Variants in ZEB2 observed in about 807,000 individuals in gnomAD.
ZEB2 encodes the protein zinc finger E-box-binding homeobox 2.
Under a neutral mutation model 99.9 loss-of-function variants are expected in ZEB2, and 6 were observed. The observed-to-expected ratio is 0.06, with a 90% CI of 0.03 to 0.12. The LOEUF (loss-of-function observed/expected upper bound fraction) is 0.12, where lower values mean the gene tolerates loss of function less well. Ranked by LOEUF, ZEB2 falls within the 10% of genes least tolerant of loss-of-function variation. The pLI is 1.00. For synonymous variants in ZEB2, 517 were observed against 542.5 expected, an observed-to-expected ratio of 0.95 and a Z score of 0.65; for missense variants, 969 against 1,502.8, an observed-to-expected ratio of 0.64 and a Z score of 5.87.
chr2:144,398,696 T>C lies in ZEB2; in HGVS notation c.2491A>G (p.Ile831Val). 1 of 1,614,154 alleles carries C rather than the reference T, an allele frequency of 6.2e-7. No homozygotes were observed. The highest frequency in any genetic ancestry group is 1.7e-5 in the Admixed American group (1 of 60,004). Residue 831 changes from isoleucine to valine, a missense_variant, in exon 8 of 10, where the codon ATA (isoleucine) becomes GTA (valine). Coordinates refer to ENST00000627532, the MANE Select transcript of ZEB2 (RefSeq NM_014795.4). ...PKQMKEPKSI[I>V]ATKNKTKASS... Reference sequence around the variant, plus strand: ...GCTTTTGTTTTGTTCTTTGTGGCTATAATACTTTTGGGTTCTTTCATTTGT... The same window carrying C: ...GCTTTTGTTTTGTTCTTTGTGGCTACAATACTTTTGGGTTCTTTCATTTGT...
chr2:144,401,582 GGAC>G (rs1466691457), intron 6 of ZEB2, among the ~76,000 whole-genome samples: 3 of 152,132 alleles, frequency 2.0e-5, no homozygotes, highest in Non-Finnish European at 4.4e-5. Flanking sequence ...GAACCTTTGG[GGAC>G]GAGGAAGTAT....
At chr2:144,486,983 T>C (rs1704607028) in intron 2 of ZEB2, among the ~76,000 whole-genome samples, 1 of 152,210 alleles carries the variant, frequency 6.6e-6, no homozygotes, top group Non-Finnish European at 1.5e-5. Context: ...GTTAGGAAGC[T>C]CAAACACTGT....
chr2:144,432,909 C>T (rs1172437522), intron 2 of ZEB2, among the ~76,000 whole-genome samples: 1 of 152,106 alleles, frequency 6.6e-6, no homozygotes, highest in Non-Finnish European at 1.5e-5. Flanking sequence ...ATATATTAGG[C>T]CAGTGTCTGT....
chr2:144,451,068 G>C (rs1258184806), intron 2 of ZEB2, among the ~76,000 whole-genome samples: 1 of 152,132 alleles, frequency 6.6e-6, no homozygotes, highest in Non-Finnish European at 1.5e-5. Context: ...GAGAGTGGGG[G>C]AGTCATAAAA....
chr2:144,496,627 C>A (rs1704763498), intron 2 of ZEB2: 1 of 152,142 alleles, frequency 6.6e-6, no homozygotes, highest in African/African-American at 2.4e-5. Flanking sequence ...TCCATGATTA[C>A]AGTAACATGT....
chr2:144,482,822 T>C (rs1003362961), intron 2 of ZEB2, among the ~76,000 whole-genome samples: 5 of 152,132 alleles, frequency 3.3e-5, no homozygotes, highest in African/African-American at 1.2e-4. Context: ...ACCACCTTAT[T>C]TTTCCAGAAA....
At position 144,386,848 on chromosome 2, in the gene ZEB2, T is replaced by A. The variant is rs1035342664; in HGVS notation, c.*2603A>T. 6.6e-6 allele frequency: 1 copy of A among 152,056 alleles called. No individual in the cohort carries two copies. The highest frequency in any genetic ancestry group is 1.5e-5 in the Non-Finnish European group (1 of 68,000). The allele number at this position is 152,056 out of a possible 1,614,324, so 9.4% of individuals were successfully genotyped here. On this transcript the variant is annotated 3_prime_UTR_variant, in exon 10 of 10. Transcript: ENST00000627532. ...AAGAAGGAGAAACGAGGATAGAATT[T>A]TCTAAACTTTCCAAATATAAAAACT...
At chr2:144,438,727 G>A (rs1211312611) in intron 2 of ZEB2, among the ~76,000 whole-genome samples, 2 of 152,138 alleles carry the variant, frequency 1.3e-5, no homozygotes, top group African/African-American at 2.4e-5. Flanking sequence ...GGCATGTAAA[G>A]TTCACTTCCC....
At chr2:144,517,482 GC>G in intron 1 of ZEB2, 63 bp from the exon 2 acceptor site, 1 of 1,118,254 alleles carries the variant, frequency 8.9e-7, no homozygotes, top group Non-Finnish European at 1.3e-6. Context: ...CGCGCGGGCC[GC>G]CCAGGGGAGC....
chr2:144,519,432 TGAAC>T, intron 1 of ZEB2: 1 of 117,776 alleles, frequency 8.5e-6, no homozygotes, highest in Non-Finnish European at 1.8e-5. Flanking sequence ...TGGGAGAGGA[TGAAC>T]TGCCATGTCT....
At chr2:144,435,713 C>A (rs1241899135) in intron 2 of ZEB2, among the ~76,000 whole-genome samples, 1 of 152,050 alleles carries the variant, frequency 6.6e-6, no homozygotes, top group East Asian at 1.9e-4. Context: ...GGATTAAAGG[C>A]CTTGTGGGCC....
rs77841175 is a variant in ZEB2 at position 144,448,437 on chromosome 2, T to C, written c.74-18411A>G. 5.8e-3 allele frequency among the ~76,000 whole-genome samples: 888 copies of C among 152,294 alleles called. 4 individuals are homozygous for C. The highest frequency in any genetic ancestry group is 9.2e-3 in the Non-Finnish European group (625 of 68,024). ...CTTACTGAAAGTTCACGCAGCTAAG[T>C]GGTGAAATTGAGTTTTCCACTTTTC... On this transcript the variant is annotated intron_variant, in intron 2 of 9. Coordinates refer to ENST00000627532, the MANE Select transcript of ZEB2 (RefSeq NM_014795.4).
intron 2 of ZEB2, chr2:144,513,714 C>T (rs1038252570): frequency 1.3e-6 from 2 of 1,535,932 alleles, no homozygotes; most frequent in African/African-American, 1.4e-5. Context: ...AAGCAACAAA[C>T]TTTGCAAGTT....
chr2:144,444,764 A>G (rs1429229724), intron 2 of ZEB2: 1 of 152,214 alleles, frequency 6.6e-6, no homozygotes, highest in Non-Finnish European at 1.5e-5. Context: ...GAGCACCCTG[A>G]CAAGGAAGCC....
intron 2 of ZEB2, chr2:144,514,516 G>A (rs1256060106): frequency 6.6e-6 from 1 of 152,108 alleles, no homozygotes; most frequent in Non-Finnish European, 1.5e-5. Flanking sequence ...TCTTTTCCAT[G>A]AATCCAGGAA....
At chr2:144,479,682 TTG>T (rs1491334334) in intron 2 of ZEB2, among the ~76,000 whole-genome samples, 3 of 29,852 alleles carry the variant, frequency 1.0e-4, no homozygotes, top group African/African-American at 2.0e-4. Context: ...CTACTTTTTT[TTG>T]GGGGGGGGGG....
chr2:144,512,898 C>T lies in ZEB2; in HGVS notation c.73+4380G>A, dbSNP rs541069079. 97 of 1,287,284 alleles carry T rather than the reference C, an allele frequency of 7.5e-5. 1 individual carries two copies. In the South Asian group the frequency reaches 1.1e-3, roughly 15 times the overall value. 79.7% of individuals were successfully genotyped at this position (1,287,284 alleles called of 1,614,324 possible). Reference sequence around the variant, plus strand: ...CTCAGAACTGGTACCTGCCACACAACCTGCCCCAGTGCTTTGAAAGTCAGC... The same window carrying T: ...CTCAGAACTGGTACCTGCCACACAATCTGCCCCAGTGCTTTGAAAGTCAGC... On this transcript the variant is annotated intron_variant, in intron 2 of 9. Transcript: ENST00000627532.
At chr2:144,515,997 C>A (rs1705130646) in intron 2 of ZEB2, 1 of 152,204 alleles carries the variant, frequency 6.6e-6, no homozygotes, top group Non-Finnish European at 1.5e-5. Flanking sequence ...CGGGCGGTCC[C>A]CGCGAGGCGC....
chr2:144,511,919 TCTG>T, intron 2 of ZEB2: 1 of 1,287,254 alleles, frequency 7.8e-7, no homozygotes, highest in Non-Finnish European at 1.0e-6. Flanking sequence ...TATGTTAACA[TCTG>T]CTTTTGTGGT....
Sources: allele counts gnomAD v4.1 joint callset (sites outside exome capture counted in the v4.1 genomes callset), GRCh38; gene constraint gnomAD v4.1.1; transcripts MANE v1.5; gene names NCBI Gene and HGNC (gene_info 2026-07-23, HGNC 2026-07-21).